KLF12: variants seen among roughly 807,000 people sequenced by gnomAD.
KLF12 encodes KLF transcription factor 12, also known as Krueppel-like factor 12.
A neutral mutation model predicts 37.8 loss-of-function variants in KLF12; 9 were observed. That is an observed-to-expected ratio of 0.24 (90% CI 0.14 to 0.42). The LOEUF is 0.42. Ranked by LOEUF, KLF12 falls within the 10% of genes least tolerant of loss-of-function variation. The pLI is 1.00. For synonymous variants in KLF12, 208 were observed against 202.1 expected (o/e 1.03, Z -0.25); for missense variants, 411 against 516.0 (o/e 0.80, Z 1.97).
At chr13:73,818,051 T>C (rs1405938736) in intron 4 of KLF12, among the ~76,000 whole-genome samples, 1 of 152,272 alleles carries the variant, frequency 6.6e-6, no homozygotes, top group East Asian at 1.9e-4. Context: ...TGTTTTGGCT[T>C]TTGCAGTATC....
chr13:73,958,072 T>C (rs1476065752), intron 2 of KLF12, among the ~76,000 whole-genome samples: 1 of 152,210 alleles, frequency 6.6e-6, no homozygotes, highest in Non-Finnish European at 1.5e-5. Flanking sequence ...GGGTAGCCAC[T>C]TGTTGCAACT....
At chr13:74,301,112 C>A in the KLF12 span, among the ~76,000 whole-genome samples, 2 of 152,170 alleles carry the variant, frequency 1.3e-5, no homozygotes, top group African/African-American at 2.4e-5. Context: ...TTTTAAAAAA[C>A]TTTCTGACTC....
intron 1 of KLF12, among the ~76,000 whole-genome samples, chr13:74,058,302 A>G (rs1256471362): frequency 2.0e-5 from 3 of 147,476 alleles, no homozygotes; most frequent in Admixed American, 6.8e-5. Context: ...TCAGAACCTT[A>G]GTTTCCTCAT....
chr13:74,202,458 C>A, the KLF12 span, among the ~76,000 whole-genome samples: 2 of 152,078 alleles, frequency 1.3e-5, no homozygotes, highest in African/African-American at 4.8e-5. Context: ...GACACTGCCC[C>A]CACCCCTACC....
At chr13:74,231,375 G>T in the KLF12 span, 6 of 152,096 alleles carry the variant, frequency 3.9e-5, no homozygotes, top group African/African-American at 1.2e-4. Context: ...GTCTTCTTTT[G>T]TTCTTACTTT....
chr13:73,874,224 T>G (rs991097136), intron 3 of KLF12, among the ~76,000 whole-genome samples: 1 of 152,198 alleles, frequency 6.6e-6, no homozygotes, highest in Non-Finnish European at 1.5e-5. Context: ...AACTATTTTA[T>G]GGACACTAGA....
the KLF12 span, among the ~76,000 whole-genome samples, chr13:74,287,348 T>TTG: frequency 1.8e-4 from 2 of 11,262 alleles, no homozygotes; most frequent in Non-Finnish European, 1.7e-4. Context: ...TCTATCAAAG[T>TTG]TGAGAGAGAG....
intron 6 of KLF12, among the ~76,000 whole-genome samples, chr13:73,748,997 GGC>G (rs1198575141): frequency 1.9e-4 from 29 of 152,090 alleles, no homozygotes; most frequent in Non-Finnish European, 2.9e-5. Context: ...CTCCCTCTGT[GGC>G]CAATTAACAC....
At chr13:73,964,329 C>T (rs17217266) in intron 2 of KLF12, among the ~76,000 whole-genome samples, 9,973 of 152,196 alleles carry the variant, frequency 0.066, 447 homozygotes, top group Admixed American at 0.1. Context: ...GGCTCCTACC[C>T]ACAATTCATT....
chr13:74,003,525 T>C (rs1036550376), intron 1 of KLF12, among the ~76,000 whole-genome samples: 1 of 152,170 alleles, frequency 6.6e-6, no homozygotes, highest in East Asian at 1.9e-4. Flanking sequence ...GTGTCTCAGG[T>C]GTGTATCTGT....
chr13:74,271,427 A>G, the KLF12 span, among the ~76,000 whole-genome samples: 823 of 152,266 alleles, frequency 5.4e-3, 5 homozygotes, highest in Non-Finnish European at 8.5e-3. Flanking sequence ...AAAACTTATG[A>G]CCAATAGACA....
intron 5 of KLF12, among the ~76,000 whole-genome samples, chr13:73,806,495 C>A (rs1480865100): frequency 6.6e-6 from 1 of 151,958 alleles, no homozygotes; most frequent in African/African-American, 2.4e-5. Flanking sequence ...CCTCGAGTAG[C>A]TGGAAATACA....
chr13:74,134,390 G>A (rs1330170036), upstream of KLF12, among the ~76,000 whole-genome samples: 1 of 151,898 alleles, frequency 6.6e-6, no homozygotes, highest in Non-Finnish European at 1.5e-5. Flanking sequence ...GGATTAGGAG[G>A]CGGGCTCTGA....
At chr13:74,094,750 C>G (rs1264148705) in intron 1 of KLF12, among the ~76,000 whole-genome samples, 2 of 152,070 alleles carry the variant, frequency 1.3e-5, no homozygotes, top group African/African-American at 4.8e-5. Context: ...CAGGTGCCCA[C>G]CACCACGCCC....
At chr13:73,899,789 C>T (rs1372487927) in intron 3 of KLF12, among the ~76,000 whole-genome samples, 1 of 152,062 alleles carries the variant, frequency 6.6e-6, no homozygotes, top group Non-Finnish European at 1.5e-5. Context: ...GAACTTGTAC[C>T]CCAAACCCCC....
chr13:73,858,078 C>T (rs1885700017), intron 3 of KLF12, among the ~76,000 whole-genome samples: 1 of 152,126 alleles, frequency 6.6e-6, no homozygotes, highest in Non-Finnish European at 1.5e-5. Flanking sequence ...GGGTGAACTA[C>T]ATTTTCTTTT....
intron 1 of KLF12, among the ~76,000 whole-genome samples, chr13:74,071,972 C>G: frequency 6.6e-6 from 1 of 151,192 alleles, no homozygotes; most frequent in Non-Finnish European, 1.5e-5. Context: ...TCCTCCCCAA[C>G]CCCCCCACCT....
At chr13:73,935,980 T>C in intron 3 of KLF12, among the ~76,000 whole-genome samples, 1 of 152,308 alleles carries the variant, frequency 6.6e-6, no homozygotes, top group Non-Finnish European at 1.5e-5. Context: ...TTTTATCTTT[T>C]TGTACCTTCC....
At chr13:74,009,173 A>C (rs1235690923) in intron 1 of KLF12, among the ~76,000 whole-genome samples, 5 of 152,190 alleles carry the variant, frequency 3.3e-5, no homozygotes, top group African/African-American at 1.2e-4. Context: ...GACTGTAAAT[A>C]ATCTGTTTCC....
Sources: gnomAD v4.1 joint callset for allele counts (sites outside exome capture counted in the v4.1 genomes callset) on GRCh38, gnomAD v4.1.1 for gene constraint, MANE v1.5 for transcripts, NCBI Gene and HGNC (gene_info 2026-07-23, HGNC 2026-07-21) for gene names.